Variants in AFF2 observed in about 807,000 individuals in gnomAD.
AFF2 encodes ALF transcription elongation factor 2.
In AFF2, 14 loss-of-function variants were observed where a neutral mutation model predicts 76.9. The ratio of observed to expected loss-of-function variants is 0.18; its 90% CI spans 0.12 to 0.28. The LOEUF (loss-of-function observed/expected upper bound fraction) is 0.28, where lower values mean the gene tolerates loss of function less well. AFF2 is among the 10% of genes least tolerant of loss of function. The pLI, the probability that AFF2 is intolerant of heterozygous loss-of-function variation, is 1.00. For synonymous variants in AFF2, 398 were observed against 366.7 expected (o/e 1.09, Z -0.98); for missense variants, 868 against 1,001.1 (o/e 0.87, Z 1.79).
chrX:148,978,497 A>C, intron 18 of AFF2, 42 bp downstream of exon 18: 1 of 915,909 alleles, frequency 1.1e-6, no homozygotes, highest in South Asian at 2.1e-5. Flanking sequence ...AGGATGATAA[A>C]ATCACTAATA....
At chrX:148,757,322 G>A (rs1193156644) in intron 3 of AFF2, among the ~76,000 whole-genome samples, 15 of 111,673 alleles carry the variant, frequency 1.3e-4, no homozygotes, top group Middle Eastern at 4.3e-3. Context: ...TTGGTCTTTC[G>A]CGGGAAAGTT....
In AFF2 at chrX:148,511,821, C is replaced by A. The variant is rs145286437; in HGVS notation, c.47+10677C>A. On this transcript the variant is annotated intron_variant, in intron 1 of 20. Transcript: ENST00000370460. The stretch of plus-strand genomic sequence containing the variant: ...TCCCTTCTGCTATAACCTGCCTTCA[C>A]AGAGTTGAAGATGAGCTGATAATAG... Among the ~76,000 whole-genome samples, 314 of 112,744 alleles carry A rather than the reference C, an allele frequency of 2.8e-3. 1 individual carries two copies. Among genetic ancestry groups the A allele is most frequent in the African/African-American group, 9.8e-3 (303 of 31,074 alleles).
At chrX:148,804,795 G>C (rs782342150) in intron 3 of AFF2, among the ~76,000 whole-genome samples, 72 of 112,118 alleles carry the variant, frequency 6.4e-4, no homozygotes, top group African/African-American at 2.3e-3. Context: ...AACTGTTCCC[G>C]TTTAATCATA....
chrX:148,901,193 C>T (rs1282684090), intron 8 of AFF2, among the ~76,000 whole-genome samples: 1 of 111,452 alleles, frequency 9.0e-6, no homozygotes, highest in East Asian at 2.8e-4. Flanking sequence ...GGACTAGAAC[C>T]CAGGTTTTTA....
Position 148,703,136 on chromosome X carries a change from G to A in AFF2, c.1041+40368G>A, listed in dbSNP as rs184272965. Among the ~76,000 whole-genome samples, 111 of 111,819 alleles carry A rather than the reference G, an allele frequency of 9.9e-4. 1 individual carries two copies. The highest frequency in any genetic ancestry group is 1.9e-3 in the Admixed American group (20 of 10,528). ...TGTTTAATAAAGGCATAGTGTCAAG[G>A]CATTTAGACCTCTCTATCCTACCTT... On this transcript the variant is annotated intron_variant, in intron 3 of 20. Coordinates refer to ENST00000370460, the MANE Select transcript of AFF2 (RefSeq NM_002025.4).
intron 1 of AFF2, among the ~76,000 whole-genome samples, chrX:148,625,138 C>T (rs2053910886): frequency 9.0e-6 from 1 of 110,795 alleles, no homozygotes; most frequent in Admixed American, 9.7e-5. Flanking sequence ...TCCCTGGGGG[C>T]CTTGCTTGTC....
chrX:148,767,117 A>G (rs1348925172), intron 3 of AFF2, among the ~76,000 whole-genome samples: 1 of 110,269 alleles, frequency 9.1e-6, no homozygotes, highest in Non-Finnish European at 1.9e-5. Flanking sequence ...TGTTGCCAGG[A>G]TGAATTATAT....
At chrX:148,594,754 A>C (rs868988380) in intron 1 of AFF2, among the ~76,000 whole-genome samples, 2 of 112,077 alleles carry the variant, frequency 1.8e-5, no homozygotes, top group South Asian at 7.4e-4. Context: ...TAAAATATAG[A>C]GGATTGATTG....
chrX:148,904,237 A>G lies in AFF2; in HGVS notation c.1376A>G (p.Lys459Arg). The G allele has an allele frequency of 8.7e-7, 1 of 1,149,139 alleles. No homozygotes were observed. The highest frequency in any genetic ancestry group is 1.2e-6 in the Non-Finnish European group (1 of 840,949). 94.7% of individuals were successfully genotyped at this position (1,149,139 alleles called of 1,213,427 possible). The change falls in exon 9 of 21, where the codon AAA (lysine) becomes AGA (arginine). Residue 459 changes from lysine (K) to arginine (R), a missense_variant. Physicochemically the swap from Lys to Arg is conservative, Grantham distance 26 (BLOSUM62 2). Coordinates refer to ENST00000370460, the MANE Select transcript of AFF2 (RefSeq NM_002025.4). ...TGTTTACAGGCTGTTGAAAAGGCAA[A>G]ACCTAGGAATAATCCTGTGAAGTAA... The part of the protein sequence containing the change: ...TELYQAVEKA[K>R]PRNNPVNPPL...
intron 20 of AFF2, 122 bp from the exon 21 acceptor site, chrX:148,991,089 C>A (rs1368601900): frequency 1.3e-6 from 1 of 790,623 alleles, no homozygotes; most frequent in Non-Finnish European, 1.7e-6. Context: ...AATGAATGGA[C>A]AAATGAATCA....
chrX:148,636,030 TA>T (rs199982146), intron 1 of AFF2, among the ~76,000 whole-genome samples: 10 of 110,297 alleles, frequency 9.1e-5, no homozygotes, highest in East Asian at 2.8e-4. Flanking sequence ...TATATATATA[TA>T]TTTTTTTCAT....
intron 9 of AFF2, among the ~76,000 whole-genome samples, chrX:148,910,639 G>A (rs1203899762): frequency 8.9e-6 from 1 of 112,160 alleles, no homozygotes; most frequent in South Asian, 3.7e-4. Context: ...CTGGTGCTGA[G>A]GTATGGCAAG....
chrX:148,704,946 C>G (rs782810071), intron 3 of AFF2, among the ~76,000 whole-genome samples: 1 of 111,040 alleles, frequency 9.0e-6, no homozygotes, highest in South Asian at 3.9e-4. Context: ...AGATTAGAAG[C>G]AAGAGCTACC....
chrX:148,835,631 C>A (rs192618162), intron 4 of AFF2, among the ~76,000 whole-genome samples: 1 of 108,736 alleles, frequency 9.2e-6, no homozygotes, highest in Non-Finnish European at 1.9e-5. Flanking sequence ...ACTATAGGCG[C>A]GCACCACCAT....
chrX:148,767,419 T>C (rs1435147382), intron 3 of AFF2, among the ~76,000 whole-genome samples: 1 of 111,676 alleles, frequency 9.0e-6, no homozygotes, highest in Non-Finnish European at 1.9e-5. Flanking sequence ...TTTTTGTTTC[T>C]AAAACGCAAA....
chrX:148,700,189 C>T (rs138020589), intron 3 of AFF2, among the ~76,000 whole-genome samples: 2,125 of 111,218 alleles, frequency 0.019, 25 homozygotes, highest in Non-Finnish European at 0.032. Flanking sequence ...AAATTATCTA[C>T]CTTGGCCACT....
intron 2 of AFF2, among the ~76,000 whole-genome samples, chrX:148,661,669 A>G (rs1274450211): frequency 1.8e-5 from 2 of 112,085 alleles, no homozygotes; most frequent in Non-Finnish European, 3.8e-5. Flanking sequence ...ATGTTTAAGG[A>G]CTGGCTAGGG....
intron 1 of AFF2, among the ~76,000 whole-genome samples, chrX:148,613,974 A>G (rs562593656): frequency 4.5e-5 from 5 of 112,337 alleles, no homozygotes; most frequent in African/African-American, 1.3e-4. Flanking sequence ...GGTTCATTAA[A>G]TTAATAACAA....
chrX:148,562,901 A>G (rs2053129770), intron 1 of AFF2, among the ~76,000 whole-genome samples: 1 of 111,723 alleles, frequency 9.0e-6, no homozygotes, highest in Non-Finnish European at 1.9e-5. Flanking sequence ...AAAAGCCACA[A>G]AGAAAGGCAC....
Sources: gnomAD v4.1 joint callset for allele counts (sites outside exome capture counted in the v4.1 genomes callset) on GRCh38, gnomAD v4.1.1 for gene constraint, MANE v1.5 for transcripts, NCBI Gene and HGNC (gene_info 2026-07-23, HGNC 2026-07-21) for gene names.